Variants in PARP15 observed in about 807,000 individuals in gnomAD.
The protein encoded by PARP15 is poly(ADP-ribose) polymerase family member 15, also known as protein mono-ADP-ribosyltransferase PARP15.
In PARP15, 50 loss-of-function variants were observed where a neutral mutation model predicts 62.1. That is an observed-to-expected ratio of 0.81 (90% CI 0.64 to 1.02). The LOEUF (loss-of-function observed/expected upper bound fraction) is 1.02. PARP15 is among the 50% of genes least tolerant of loss of function. PARP15 has a pLI of 0.00. For missense variants in PARP15, 820 were observed against 826.5 expected, an observed-to-expected ratio of 0.99 and a Z score of 0.10; for synonymous variants, 309 against 293.1, an observed-to-expected ratio of 1.05 and a Z score of -0.55.
chr3:122,593,084 T>TTTTCTGTCTATCTATC (rs1161750482), intron 1 of PARP15, among the ~76,000 whole-genome samples: 896 of 63,988 alleles, frequency 0.014, 5 homozygotes, highest in Non-Finnish European at 0.016. Flanking sequence ...AAAGATAAAA[T>TTTTCTGTCTATCTATC]TATCTGTCTA....
In PARP15 at chr3:122,636,238, GT is replaced by G; in HGVS notation, c.*139del. On this transcript the variant is annotated 3_prime_UTR_variant, in exon 12 of 12. Transcript: ENST00000464300. ...AAATGCTGAAAATTACCTTTTTAAA[GT>G]GCTCTATTGCTGCGATTTGTAGCAT... The G allele has an allele frequency of 1.2e-6, 1 of 827,318 alleles. No individual in the cohort carries two copies. Among genetic ancestry groups the G allele is most frequent in the South Asian group, 1.9e-5 (1 of 53,336 alleles). 51.2% of individuals were successfully genotyped at this position (827,318 alleles called of 1,614,324 possible).
At chr3:122,610,208 C>T (rs1935463678) in intron 2 of PARP15, among the ~76,000 whole-genome samples, 1 of 152,190 alleles carries the variant, frequency 6.6e-6, no homozygotes, top group South Asian at 2.1e-4. Context: ...CTCTGACTCT[C>T]TGCCTCTGGT....
rs1933942937 is a variant in PARP15 at position 122,591,767 on chromosome 3, A to T, written c.186+13914A>T. Among the ~76,000 whole-genome samples the T allele has an allele frequency of 2.0e-5, 3 of 151,588 alleles. No individual in the cohort carries two copies. In the South Asian group the frequency reaches 6.3e-4, roughly 32 times the overall value. On this transcript the variant is annotated intron_variant, in intron 1 of 11. Coordinates refer to ENST00000464300, the MANE Select transcript of PARP15 (RefSeq NM_001113523.3). ...GTGACAGAGCGAGACTCTGTCTCAA[A>T]AAAAAAAAAAAAAAGGTATTGATAA...
chr3:122,579,706 C>T (rs773207194), intron 1 of PARP15, among the ~76,000 whole-genome samples: 3 of 151,796 alleles, frequency 2.0e-5, no homozygotes, highest in Admixed American at 1.3e-4. Flanking sequence ...GGGCCGGTCG[C>T]GGTGGCTCAC....
At chr3:122,578,482 A>AT (rs2080731122) in intron 1 of PARP15, among the ~76,000 whole-genome samples, 1 of 152,138 alleles carries the variant, frequency 6.6e-6, no homozygotes, top group East Asian at 1.9e-4. Context: ...ACCATTTATT[A>AT]TAAAGGTCGT....
chr3:122,624,803 T>C (rs1936588718), intron 8 of PARP15, among the ~76,000 whole-genome samples: 1 of 152,202 alleles, frequency 6.6e-6, no homozygotes, highest in Non-Finnish European at 1.5e-5. Context: ...TTGTGGTTTC[T>C]TTTCTGATTC....
intron 8 of PARP15, among the ~76,000 whole-genome samples, chr3:122,625,262 G>T (rs997916591): frequency 2.0e-5 from 3 of 151,702 alleles, no homozygotes; most frequent in Non-Finnish European, 2.9e-5. Flanking sequence ...TTTTTTTGTT[G>T]TTGTTTTTTG....
intron 1 of PARP15, among the ~76,000 whole-genome samples, chr3:122,580,039 A>G (rs4677958): frequency 0.37 from 50,701 of 135,632 alleles, 10,438 homozygotes; most frequent in Admixed American, 0.47. Context: ...ATATATATGC[A>G]CGCGCGCACA....
chr3:122,634,851 C>G (rs1250472285), intron 10 of PARP15, among the ~76,000 whole-genome samples, 169 bp from the exon 11 acceptor site: 2 of 152,250 alleles, frequency 1.3e-5, no homozygotes, highest in East Asian at 1.9e-4. Flanking sequence ...AGGCAGAAAG[C>G]TGCCTACTCT....
At chr3:122,627,150 C>A in intron 9 of PARP15, 117 bp downstream of exon 9, 2 of 870,642 alleles carry the variant, frequency 2.3e-6, no homozygotes, top group Non-Finnish European at 3.5e-6. Flanking sequence ...ACTTTTCAGA[C>A]AACTTCTTAT....
Position 122,612,055 on chromosome 3 carries a change from CT to C in PARP15, c.544-977del, listed in dbSNP as rs374908910. ...AGTTGAGATTCTCTTTCTCTCTCTT[CT>C]TTTTTTTTCTTTTAATTGAAACAGG... On this transcript the variant is annotated intron_variant, in intron 3 of 11. Coordinates refer to ENST00000464300, the MANE Select transcript of PARP15 (RefSeq NM_001113523.3). 5.4e-5 allele frequency among the ~76,000 whole-genome samples: 8 copies of C among 147,546 alleles called. No individual in the cohort carries two copies. The South Asian group carries it at 6.5e-4, about 12-fold the overall frequency.
chr3:122,624,826 A>G (rs1936590756), intron 8 of PARP15, among the ~76,000 whole-genome samples: 1 of 152,128 alleles, frequency 6.6e-6, no homozygotes, highest in Non-Finnish European at 1.5e-5. Flanking sequence ...AATATTCACC[A>G]TTATACATAA....
rs956486486 is a variant in PARP15 at position 122,638,847 on chromosome 3, T to C, written c.*2747T>C. 2 of 152,152 alleles carry C rather than the reference T, an allele frequency of 1.3e-5. No individual in the cohort carries two copies. The highest frequency in any genetic ancestry group is 2.4e-5 in the African/African-American group (1 of 41,442). 9.4% of individuals were successfully genotyped at this position (152,152 alleles called of 1,614,324 possible). ...ACCATTTTTCATTAAACATTACAAG[T>C]TGTTCTCTTGTGTTCTTATTTTTTC... On this transcript the variant is annotated 3_prime_UTR_variant, in exon 12 of 12. Transcript: ENST00000464300.
At chr3:122,622,506 T>G (rs376081203) in intron 8 of PARP15, among the ~76,000 whole-genome samples, 4 of 152,348 alleles carry the variant, frequency 2.6e-5, no homozygotes, top group African/African-American at 9.6e-5. Flanking sequence ...CCAGCCTTTC[T>G]TTTTGTTTCC....
At position 122,613,261 on chromosome 3, in the gene PARP15, G is replaced by A. The variant is rs1205951095; in HGVS notation, c.764G>A (p.Gly255Asp). Residue 255 changes from glycine to aspartate, a missense_variant, in exon 4 of 12, where the codon GGC (glycine) becomes GAC (aspartate). By Grantham distance (94) the Gly-to-Asp change is moderately conservative. Transcript: ENST00000464300. The part of the protein sequence containing the change: ...HFLVYTNDDE[G>D]CQAFLDEFTN... Reference sequence around the variant, plus strand: ...CTGGTATATACAAATGACGATGAAGGCTGTCAGGTATGGTTACATATCCCA... The same window carrying A: ...CTGGTATATACAAATGACGATGAAGACTGTCAGGTATGGTTACATATCCCA... 2.6e-6 allele frequency: 4 copies of A among 1,543,292 alleles called. No homozygotes were observed. The Admixed American group carries it at 7.8e-5, about 30-fold the overall frequency.
At chr3:122,591,031 T>G (rs1165649838) in intron 1 of PARP15, among the ~76,000 whole-genome samples, 1 of 152,240 alleles carries the variant, frequency 6.6e-6, no homozygotes, top group African/African-American at 2.4e-5. Context: ...ATGTTTAACT[T>G]TATGCAATAT....
chr3:122,634,839 A>G (rs2107610702), intron 10 of PARP15, among the ~76,000 whole-genome samples, 181 bp from the exon 11 acceptor site: 1 of 152,360 alleles, frequency 6.6e-6, no homozygotes, highest in Non-Finnish European at 1.5e-5. Context: ...ATCTTTCTCT[A>G]AAGGCAGAAA....
intron 1 of PARP15, among the ~76,000 whole-genome samples, chr3:122,582,628 T>C (rs948563365): frequency 6.6e-6 from 1 of 152,236 alleles, no homozygotes; most frequent in African/African-American, 2.4e-5. Context: ...TTTCTCCTTA[T>C]CACTGGTTTT....
intron 1 of PARP15, 135 bp downstream of exon 1, chr3:122,577,988 C>A: frequency 1.2e-6 from 1 of 811,976 alleles, no homozygotes; most frequent in Non-Finnish European, 1.8e-6. Context: ...GCCGACTACA[C>A]TGACTTCCCT....
Sources: allele counts gnomAD v4.1 joint callset (sites outside exome capture counted in the v4.1 genomes callset), GRCh38; gene constraint gnomAD v4.1.1; transcripts MANE v1.5; gene names NCBI Gene and HGNC (gene_info 2026-07-23, HGNC 2026-07-21).